Variants in CCSER1 observed in about 807,000 individuals in gnomAD.
CCSER1 encodes the protein serine-rich coiled-coil domain-containing protein 1.
Under a neutral mutation model 82.0 loss-of-function variants are expected in CCSER1, and 41 were observed. That is an observed-to-expected ratio of 0.50 (90% CI 0.39 to 0.65). The LOEUF is 0.65. CCSER1 is among the 30% of genes least tolerant of loss of function. The pLI, the probability that CCSER1 is intolerant of heterozygous loss-of-function variation, is 0.00. For synonymous variants in CCSER1, 414 were observed against 383.9 expected (o/e 1.08, Z -0.92); for missense variants, 1,119 against 1,064.2 (o/e 1.05, Z -0.72).
At chr4:91,319,185 C>A in intron 10 of CCSER1, 1 of 200,342 alleles carries the variant, frequency 5.0e-6, no homozygotes, top group South Asian at 6.6e-5. Flanking sequence ...ATGAAGAATG[C>A]TAAAAAGAAT....
intron 7 of CCSER1, among the ~76,000 whole-genome samples, chr4:90,733,135 T>C (rs1174089166): frequency 6.6e-6 from 1 of 152,228 alleles, no homozygotes. Flanking sequence ...TGTACAAATT[T>C]ACATTCCCAC....
chr4:91,171,207 T>A (rs1435271096), intron 10 of CCSER1, among the ~76,000 whole-genome samples: 1 of 152,192 alleles, frequency 6.6e-6, no homozygotes, highest in Non-Finnish European at 1.5e-5. Context: ...TAAATATTTT[T>A]TCATCCCTAA....
chr4:90,594,452 A>T (rs900848227), intron 5 of CCSER1, among the ~76,000 whole-genome samples: 2 of 152,110 alleles, frequency 1.3e-5, no homozygotes, highest in Admixed American at 6.6e-5. Flanking sequence ...CCATATCTTG[A>T]CCAATTGCTG....
chr4:90,818,693 C>T (rs1015931016), intron 8 of CCSER1, among the ~76,000 whole-genome samples: 5 of 152,114 alleles, frequency 3.3e-5, no homozygotes, highest in East Asian at 1.9e-4. Flanking sequence ...AATTGTAGGA[C>T]GTTTAGCAGC....
chr4:90,855,648 G>C (rs1248489337), intron 8 of CCSER1, among the ~76,000 whole-genome samples: 1 of 151,948 alleles, frequency 6.6e-6, no homozygotes. Context: ...AAGTGTGTTA[G>C]GAAAATACTT....
At chr4:90,128,833 C>G (rs371032346) in intron 1 of CCSER1, among the ~76,000 whole-genome samples, 1 of 152,002 alleles carries the variant, frequency 6.6e-6, no homozygotes, top group Non-Finnish European at 1.5e-5. Flanking sequence ...CTCTTTCTCT[C>G]TCTCTCTCTC....
intron 1 of CCSER1, among the ~76,000 whole-genome samples, chr4:90,277,181 A>G (rs1409979174): frequency 6.6e-6 from 1 of 152,014 alleles, no homozygotes; most frequent in African/African-American, 2.4e-5. Flanking sequence ...ATAAATGGAA[A>G]CCATTCCATG....
At chr4:90,878,728 G>T (rs1720746559) in intron 8 of CCSER1, among the ~76,000 whole-genome samples, 1 of 152,136 alleles carries the variant, frequency 6.6e-6, no homozygotes, top group South Asian at 2.1e-4. Flanking sequence ...CTCTAGAAGT[G>T]GATGTTCTGT....
At chr4:91,269,412 A>T (rs890063339) in intron 10 of CCSER1, among the ~76,000 whole-genome samples, 1 of 152,212 alleles carries the variant, frequency 6.6e-6, no homozygotes, top group East Asian at 1.9e-4. Flanking sequence ...CAGGTCTTCT[A>T]ATTAACCCTT....
At chr4:91,255,021 G>A (rs936438132) in intron 10 of CCSER1, among the ~76,000 whole-genome samples, 2 of 151,918 alleles carry the variant, frequency 1.3e-5, no homozygotes, top group African/African-American at 4.8e-5. Context: ...GTCATTTAGT[G>A]ACCAGCCTAT....
chr4:90,880,903 G>A (rs1289145866), intron 8 of CCSER1, among the ~76,000 whole-genome samples: 4 of 151,968 alleles, frequency 2.6e-5, no homozygotes, highest in East Asian at 3.9e-4. Flanking sequence ...CATGGGTTGA[G>A]TTGTTTCCTC....
chr4:91,520,436 C>T (rs1760395573), intron 10 of CCSER1, among the ~76,000 whole-genome samples: 1 of 152,002 alleles, frequency 6.6e-6, no homozygotes, highest in African/African-American at 2.4e-5. Flanking sequence ...TCCCTACCCT[C>T]CTTAGTGGTC....
chr4:91,443,780 T>A (rs980204518), intron 10 of CCSER1, among the ~76,000 whole-genome samples: 1 of 149,422 alleles, frequency 6.7e-6, no homozygotes, highest in Non-Finnish European at 1.5e-5. Context: ...TCATTTCAGA[T>A]AAAAAGAAAA....
chr4:91,370,637 A>G (rs1749971225), intron 10 of CCSER1, among the ~76,000 whole-genome samples: 1 of 151,962 alleles, frequency 6.6e-6, no homozygotes, highest in African/African-American at 2.4e-5. Context: ...CCGAGGTTGC[A>G]GTGAGCCGAG....
At chr4:91,502,627 TATTC>T (rs750871287) in intron 10 of CCSER1, among the ~76,000 whole-genome samples, 1 of 152,212 alleles carries the variant, frequency 6.6e-6, no homozygotes, top group Non-Finnish European at 1.5e-5. Context: ...ATTTGCCAAT[TATTC>T]ATCATTAAGC....
intron 10 of CCSER1, among the ~76,000 whole-genome samples, chr4:91,323,081 A>T (rs1015337849): frequency 2.0e-5 from 3 of 152,144 alleles, no homozygotes; most frequent in African/African-American, 7.2e-5. Flanking sequence ...AAACCAGTAA[A>T]AGAGGAATAT....
chr4:90,314,877 C>T (rs75891742), intron 3 of CCSER1, among the ~76,000 whole-genome samples: 2,620 of 109,354 alleles, frequency 0.024, 77 homozygotes, highest in Admixed American at 0.14. Flanking sequence ...GACAGAGTCT[C>T]GCTCTGTCTC....
intron 4 of CCSER1, among the ~76,000 whole-genome samples, chr4:90,425,406 T>C (rs1287414072): frequency 1.3e-5 from 2 of 152,196 alleles, no homozygotes; most frequent in South Asian, 4.1e-4. Flanking sequence ...CTTGTAGCCA[T>C]GTTCTTTTCC....
chr4:91,086,214 A>C (rs1356463291), intron 10 of CCSER1, among the ~76,000 whole-genome samples: 2 of 152,066 alleles, frequency 1.3e-5, no homozygotes, highest in Admixed American at 1.3e-4. Context: ...AGCTAAAGAA[A>C]ATGTTGTTTC....
Sources: gnomAD v4.1 joint callset for allele counts (sites outside exome capture counted in the v4.1 genomes callset) on GRCh38, gnomAD v4.1.1 for gene constraint, MANE v1.5 for transcripts, NCBI Gene and HGNC (gene_info 2026-07-23, HGNC 2026-07-21) for gene names.